The following CUBN variants were observed in gnomAD, a reference collection of about 807,000 sequenced individuals.
CUBN encodes the protein 460 kDa receptor.
Under a neutral mutation model 405.3 loss-of-function variants are expected in CUBN, and 282 were observed. The ratio of observed to expected loss-of-function variants is 0.70; its 90% CI spans 0.63 to 0.77. The LOEUF is 0.77. CUBN is among the 30% of genes least tolerant of loss of function. CUBN has a pLI of 0.00. For synonymous variants in CUBN, 1,684 were observed against 1,617.0 expected (o/e 1.04, Z -0.99); for missense variants, 4,514 against 4,475.2 (o/e 1.01, Z -0.25).
intron 45 of CUBN, 21 bp from the exon 46 acceptor site, chr10:16,916,051 T>A (rs1301124583): frequency 1.2e-6 from 2 of 1,604,088 alleles, no homozygotes; most frequent in Non-Finnish European, 1.7e-6. Context: ...TAAAAATAAA[T>A]AAATAAATAA....
intron 28 of CUBN, among the ~76,000 whole-genome samples, chr10:17,016,682 T>A (rs1289525878): frequency 6.6e-6 from 1 of 152,134 alleles, no homozygotes; most frequent in Non-Finnish European, 1.5e-5. Flanking sequence ...ACATAACCAA[T>A]ATCCCGGGGG....
At chr10:16,962,830 G>A (rs1843273403) in intron 31 of CUBN, among the ~76,000 whole-genome samples, 1 of 152,166 alleles carries the variant, frequency 6.6e-6, no homozygotes, top group South Asian at 2.1e-4. Context: ...GAAGCATGCA[G>A]GTGAGTGGCA....
At chr10:17,019,742 A>G in intron 28 of CUBN, 91 bp downstream of exon 28, 2 of 1,467,464 alleles carry the variant, frequency 1.4e-6, no homozygotes, top group Non-Finnish European at 1.9e-6. Flanking sequence ...TTATTTGTTC[A>G]TGGTATTGTT....
chr10:16,885,981 G>A (rs903642266), intron 56 of CUBN, among the ~76,000 whole-genome samples: 27 of 152,122 alleles, frequency 1.8e-4, no homozygotes, highest in African/African-American at 6.5e-4. Context: ...TAGCCTTATA[G>A]ATTTTATTCA....
intron 17 of CUBN, among the ~76,000 whole-genome samples, chr10:17,075,073 C>CTTTTTT (rs957929670): frequency 6.6e-4 from 43 of 65,324 alleles, no homozygotes; most frequent in South Asian, 1.3e-3. Context: ...TCTTTGTTTT[C>CTTTTTT]TTTTTTTTTT....
chr10:17,001,291 C>T (rs1833872593), intron 28 of CUBN, among the ~76,000 whole-genome samples: 1 of 152,148 alleles, frequency 6.6e-6, no homozygotes, highest in Non-Finnish European at 1.5e-5. Flanking sequence ...GCAGGGCAAC[C>T]CCAGTGGATT....
rs140524729 is a variant in CUBN, at chr10:16,876,925, G to T, written c.9078C>A (p.Phe3026Leu). ...TTATCCTATAGGAAAACTTGAATCC[G>T]AAGTCTGTGATTTGCTCGTTGGAGT... The part of the protein sequence containing the change: ...NFYSNEQITD[F>L]GFKFSYRIIS... The change falls in exon 57 of 67, where the codon TTC (phenylalanine) becomes TTA (leucine). Residue 3026 changes from phenylalanine to leucine, a missense_variant. By Grantham distance (22) the Phe-to-Leu change is conservative. Coordinates refer to ENST00000377833, the MANE Select transcript of CUBN (RefSeq NM_001081.4). 6.2e-7 allele frequency: 1 copy of T among 1,614,084 alleles called. No individual in the cohort carries two copies.
At chr10:17,008,571 C>T (rs1343821453) in intron 28 of CUBN, among the ~76,000 whole-genome samples, 3 of 151,918 alleles carry the variant, frequency 2.0e-5, no homozygotes, top group East Asian at 3.9e-4. Context: ...GGGCTCTCCC[C>T]ACTCCCTCCT....
At chr10:17,089,150 T>C (rs1836195573) in intron 14 of CUBN, among the ~76,000 whole-genome samples, 1 of 152,186 alleles carries the variant, frequency 6.6e-6, no homozygotes, top group African/African-American at 2.4e-5. Context: ...ACATTTTAGA[T>C]GTGTAAGATA....
chr10:16,876,874 A>C, intron 57 of CUBN, 23 bp downstream of exon 57: 1 of 1,604,094 alleles, frequency 6.2e-7, no homozygotes, highest in Non-Finnish European at 8.5e-7. Flanking sequence ...AAAATTCCAA[A>C]CTCTGTCATT....
At chr10:16,917,839 T>C (rs1472828296) in intron 45 of CUBN, among the ~76,000 whole-genome samples, 1 of 152,204 alleles carries the variant, frequency 6.6e-6, no homozygotes, top group Non-Finnish European at 1.5e-5. Context: ...TAAAAAGTCA[T>C]GGTTTTTAAA....
At chr10:16,955,683 C>T (rs1843043290) in intron 31 of CUBN, among the ~76,000 whole-genome samples, 1 of 152,148 alleles carries the variant, frequency 6.6e-6, no homozygotes, top group African/African-American at 2.4e-5. Flanking sequence ...TTACTATGTG[C>T]CAGGAACTGG....
At chr10:17,100,999 C>T (rs1016018311) in intron 13 of CUBN, among the ~76,000 whole-genome samples, 8 of 152,146 alleles carry the variant, frequency 5.3e-5, no homozygotes, top group African/African-American at 1.9e-4. Flanking sequence ...TACTGACAAC[C>T]TCATTTGAGA....
intron 56 of CUBN, among the ~76,000 whole-genome samples, chr10:16,880,137 T>C (rs1840627106): frequency 6.6e-6 from 1 of 152,208 alleles, no homozygotes; most frequent in Admixed American, 6.5e-5. Context: ...AATGAATTGC[T>C]CCTTTGTGTT....
At chr10:17,026,596 T>C (rs1834670647) in intron 27 of CUBN, among the ~76,000 whole-genome samples, 1 of 150,504 alleles carries the variant, frequency 6.6e-6, no homozygotes, top group Admixed American at 6.6e-5. Flanking sequence ...ATCGCACCAC[T>C]GCACTCCAGC....
Position 17,123,618 on chromosome 10 carries a change from G to T in CUBN, c.459C>A (p.Ser153=), listed in dbSNP as rs780070784. The T allele has an allele frequency of 1.2e-6, 2 of 1,613,954 alleles. No homozygotes were observed. Among genetic ancestry groups the T allele is most frequent in the Admixed American group, 3.3e-5 (2 of 60,012 alleles). The change falls in exon 5 of 67, where the codon TCC becomes TCA. Residue 153 remains serine (S), a synonymous_variant. Transcript: ENST00000377833. ...NGGTCLNLHD[S]FFCICPPQWK... ...ACTGTGGGGGACAGATACAAAAAAA[G>T]GAATCATGCAGATTGAGGCAGGTTC...
chr10:16,879,794 T>G (rs1292564295), intron 56 of CUBN, among the ~76,000 whole-genome samples: 1 of 152,170 alleles, frequency 6.6e-6, no homozygotes, highest in Non-Finnish European at 1.5e-5. Context: ...ATCGTATAAA[T>G]ACTCCCACGA....
chr10:16,883,701 G>C (rs574376377), intron 56 of CUBN, among the ~76,000 whole-genome samples: 2 of 152,100 alleles, frequency 1.3e-5, no homozygotes, highest in Admixed American at 1.3e-4. Context: ...AGAGAATTTA[G>C]GCAAATATTA....
At chr10:17,127,758 A>T in intron 3 of CUBN, 71 bp downstream of exon 3, 1 of 1,130,502 alleles carries the variant, frequency 8.8e-7, no homozygotes, top group Non-Finnish European at 1.3e-6. Context: ...TATATCCCCT[A>T]CAAAACGGTT....
Sources: allele counts gnomAD v4.1 joint callset (sites outside exome capture counted in the v4.1 genomes callset), GRCh38; gene constraint gnomAD v4.1.1; transcripts MANE v1.5; gene names NCBI Gene and HGNC (gene_info 2026-07-23, HGNC 2026-07-21).